Variants in DPYD observed in about 807,000 individuals in gnomAD.
The protein encoded by DPYD is dihydropyrimidine dehydrogenase [NADP(+)].
In DPYD, 109 loss-of-function variants were observed where a neutral mutation model predicts 116.2. The observed-to-expected ratio is 0.94, with a 90% CI of 0.80 to 1.10. The LOEUF is 1.10. Among genes scored for constraint, DPYD ranks in the 50% least tolerant of loss-of-function variants. The pLI is 0.00. For synonymous variants in DPYD, 440 were observed against 432.0 expected, an observed-to-expected ratio of 1.02 and a Z score of -0.23; for missense variants, 1,302 against 1,254.5, an observed-to-expected ratio of 1.04 and a Z score of -0.57.
chr1:97,816,119 G>C (rs1475337079), intron 3 of DPYD, among the ~76,000 whole-genome samples: 2 of 150,806 alleles, frequency 1.3e-5, no homozygotes, highest in Non-Finnish European at 3.0e-5. Context: ...AGAGTGCAAT[G>C]GCTATTCACA....
intron 13 of DPYD, among the ~76,000 whole-genome samples, chr1:97,462,400 A>C (rs761504454): frequency 2.4e-4 from 36 of 152,268 alleles, no homozygotes; most frequent in South Asian, 8.3e-4. Flanking sequence ...CCTTCTGTAA[A>C]AGGTGTTGTA....
intron 8 of DPYD, among the ~76,000 whole-genome samples, chr1:97,596,647 G>C (rs1292610337): frequency 1.3e-5 from 2 of 152,174 alleles, no homozygotes; most frequent in African/African-American, 4.8e-5. Flanking sequence ...TTTGCTGGTA[G>C]ATACAGAGTA....
intron 19 of DPYD, among the ~76,000 whole-genome samples, chr1:97,219,413 T>G (rs868192602): frequency 6.6e-6 from 1 of 152,216 alleles, no homozygotes; most frequent in East Asian, 1.9e-4. Context: ...GTTAGTCTGA[T>G]TTTTGCATTA....
At chr1:97,455,276 T>C (rs918041435) in intron 13 of DPYD, among the ~76,000 whole-genome samples, 1 of 151,944 alleles carries the variant, frequency 6.6e-6, no homozygotes, top group Non-Finnish European at 1.5e-5. Context: ...TAGTATAGTG[T>C]ATATCGCTAT....
intron 18 of DPYD, among the ~76,000 whole-genome samples, chr1:97,262,803 C>T (rs1462580959): frequency 6.6e-6 from 1 of 151,956 alleles, no homozygotes; most frequent in African/African-American, 2.4e-5. Context: ...TGGATCCATG[C>T]TGGGAGAGAA....
At chr1:97,344,570 C>T (rs980570564) in intron 16 of DPYD, among the ~76,000 whole-genome samples, 5 of 150,906 alleles carry the variant, frequency 3.3e-5, no homozygotes, top group African/African-American at 1.2e-4. Flanking sequence ...TTTCTCTTTA[C>T]ATTATATATA....
intron 10 of DPYD, 28 bp from the exon 11 acceptor site, chr1:97,573,998 C>A (rs368600943): frequency 1.1e-4 from 176 of 1,611,202 alleles, no homozygotes; most frequent in Non-Finnish European, 1.4e-4. Flanking sequence ...AGAGAAGAAA[C>A]TTGAAAATGT....
At chr1:97,200,903 AAGAGAAAGAC>A (rs1453749370) in intron 19 of DPYD, among the ~76,000 whole-genome samples, 7 of 152,142 alleles carry the variant, frequency 4.6e-5, no homozygotes, top group African/African-American at 1.7e-4. Flanking sequence ...CAGCAGTTCT[AAGAGAAAGAC>A]AGAGAAGGTG....
In DPYD at chr1:97,744,577, G is replaced by A. The variant is rs148803954; in HGVS notation, c.234-4098C>T. Reference sequence around the variant, plus strand: ...GTTTCATCAGGCTATGTAAATATACGTTAATCTATATATAATGGCATTAAG... The same window carrying A: ...GTTTCATCAGGCTATGTAAATATACATTAATCTATATATAATGGCATTAAG... On this transcript the variant is annotated intron_variant, in intron 3 of 22. Transcript: ENST00000370192. Among the ~76,000 whole-genome samples the A allele has an allele frequency of 2.0e-3, 303 of 152,046 alleles. 1 individual carries two copies. Among genetic ancestry groups the A allele is most frequent in the African/African-American group, 6.7e-3 (280 of 41,528 alleles).
intron 6 of DPYD, among the ~76,000 whole-genome samples, chr1:97,697,707 TA>T (rs1369121172): frequency 6.6e-6 from 1 of 151,634 alleles, no homozygotes; most frequent in East Asian, 1.9e-4. Flanking sequence ...CAAATAAATT[TA>T]AAAAAAACAA....
chr1:97,514,854 G>T (rs1358870974), intron 13 of DPYD, among the ~76,000 whole-genome samples: 1 of 151,796 alleles, frequency 6.6e-6, no homozygotes, highest in Non-Finnish European at 1.5e-5. Flanking sequence ...AGAGGAAAAA[G>T]AGAGAATGTG....
At chr1:97,487,496 AC>A (rs1678711055) in intron 13 of DPYD, among the ~76,000 whole-genome samples, 1 of 152,028 alleles carries the variant, frequency 6.6e-6, no homozygotes, top group Non-Finnish European at 1.5e-5. Context: ...ACACGGTGAA[AC>A]CCCATCTCTA....
chr1:97,838,668 AC>A (rs1669892504), intron 2 of DPYD, among the ~76,000 whole-genome samples: 1 of 151,012 alleles, frequency 6.6e-6, no homozygotes. Flanking sequence ...ACAAGGTGAA[AC>A]CCCGTCTCTA....
At chr1:97,083,041 G>A (rs12060037) in intron 21 of DPYD, among the ~76,000 whole-genome samples, 21,749 of 152,014 alleles carry the variant, frequency 0.14, 1,708 homozygotes, top group Non-Finnish European at 0.17. Flanking sequence ...AATCGCTTAG[G>A]TTGATCCAAT....
chr1:97,612,599 T>C (rs530031076), intron 8 of DPYD, among the ~76,000 whole-genome samples: 1 of 152,018 alleles, frequency 6.6e-6, no homozygotes, highest in Admixed American at 6.6e-5. Flanking sequence ...ATCTCATGGA[T>C]GCAACAATTA....
chr1:97,894,449 TG>T (rs1157634298), intron 1 of DPYD, among the ~76,000 whole-genome samples: 4 of 151,796 alleles, frequency 2.6e-5, no homozygotes, highest in African/African-American at 9.7e-5. Flanking sequence ...CTATTAATAT[TG>T]GGCATCAACT....
intron 11 of DPYD, among the ~76,000 whole-genome samples, chr1:97,552,069 C>T (rs886259521): frequency 1.3e-5 from 2 of 152,038 alleles, no homozygotes; most frequent in African/African-American, 4.8e-5. Flanking sequence ...TGGAACCAAG[C>T]CCCCCTAGAT....
chr1:97,201,422 T>C (rs1306620845), intron 19 of DPYD, among the ~76,000 whole-genome samples: 2 of 152,162 alleles, frequency 1.3e-5, no homozygotes, highest in African/African-American at 4.8e-5. Context: ...TAAAACTACA[T>C]TGTACTTTAA....
At chr1:97,791,945 C>T (rs960586922) in intron 3 of DPYD, among the ~76,000 whole-genome samples, 1 of 152,066 alleles carries the variant, frequency 6.6e-6, no homozygotes, top group Non-Finnish European at 1.5e-5. Context: ...TATTGCTCTG[C>T]GAAGCAGAGT....
Sources: allele counts gnomAD v4.1 joint callset (sites outside exome capture counted in the v4.1 genomes callset), GRCh38; gene constraint gnomAD v4.1.1; transcripts MANE v1.5; gene names NCBI Gene and HGNC (gene_info 2026-07-23, HGNC 2026-07-21).